Variants in GRB14 observed in about 807,000 individuals in gnomAD.
GRB14 encodes growth factor receptor-bound protein 14.
GRB14 carries 38 observed loss-of-function variants against 69.1 expected under a neutral mutation model. The ratio of observed to expected loss-of-function variants is 0.55; its 90% CI spans 0.42 to 0.72. The LOEUF is 0.72. GRB14 is among the 30% of genes least tolerant of loss of function. The pLI, the probability that GRB14 is intolerant of heterozygous loss-of-function variation, is 0.00. For synonymous variants in GRB14, 247 were observed against 241.3 expected (o/e 1.02, Z -0.22); for missense variants, 666 against 666.1 (o/e 1.00, Z 0.00).
intron 3 of GRB14, among the ~76,000 whole-genome samples, chr2:164,547,177 G>C (rs752092391): frequency 2.0e-5 from 3 of 152,096 alleles, no homozygotes; most frequent in Admixed American, 6.6e-5. Flanking sequence ...AAACAACAGC[G>C]AACAGGGAAC....
At chr2:164,615,301 T>C (rs1425738954) in intron 2 of GRB14, among the ~76,000 whole-genome samples, 1 of 152,188 alleles carries the variant, frequency 6.6e-6, no homozygotes, top group Admixed American at 6.5e-5. Context: ...ATTTGATAGA[T>C]TTCTCAGACC....
intron 2 of GRB14, among the ~76,000 whole-genome samples, chr2:164,574,401 C>T (rs1043724447): frequency 1.3e-5 from 2 of 151,882 alleles, no homozygotes; most frequent in South Asian, 2.1e-4. Context: ...ACTACCATGC[C>T]CAGCTAATTT....
intron 2 of GRB14, among the ~76,000 whole-genome samples, chr2:164,571,371 C>T (rs1418388955): frequency 6.6e-6 from 1 of 152,136 alleles, no homozygotes; most frequent in African/African-American, 2.4e-5. Context: ...CAGACACTAA[C>T]AAAACACTCC....
chr2:164,506,525 A>C (rs1687193988), intron 8 of GRB14, among the ~76,000 whole-genome samples: 1 of 152,230 alleles, frequency 6.6e-6, no homozygotes, highest in Non-Finnish European at 1.5e-5. Flanking sequence ...AAAATGGTTC[A>C]GCCACTGTGG....
intron 3 of GRB14, among the ~76,000 whole-genome samples, chr2:164,534,115 C>A (rs1381578731): frequency 1.3e-5 from 2 of 152,078 alleles, no homozygotes; most frequent in African/African-American, 2.4e-5. Context: ...ACTATTCTAT[C>A]AAAAATTCAG....
chr2:164,501,058 A>C (rs748926735), intron 9 of GRB14, among the ~76,000 whole-genome samples: 5 of 152,110 alleles, frequency 3.3e-5, no homozygotes, highest in Non-Finnish European at 5.9e-5. Context: ...ATTCATTATT[A>C]TTTTTATATA....
At chr2:164,578,841 A>G (rs1379585117) in intron 2 of GRB14, among the ~76,000 whole-genome samples, 1 of 152,222 alleles carries the variant, frequency 6.6e-6, no homozygotes, top group Admixed American at 6.5e-5. Flanking sequence ...TAAGGAGCAT[A>G]AATGATTAGA....
In GRB14 at chr2:164,578,610, T is replaced by C. The variant is rs571283186; in HGVS notation, c.325-30794A>G. ...AATCTCATCAGTGATACGAGAAACA[T>C]ACATTAACATAAGGCATCTTCATGA... On this transcript the variant is annotated intron_variant, in intron 2 of 13. Transcript: ENST00000263915. Among the ~76,000 whole-genome samples, 6 of 151,420 alleles carry C rather than the reference T, an allele frequency of 4.0e-5. No homozygotes were observed. The East Asian group carries it at 5.9e-4, about 15-fold the overall frequency.
chr2:164,505,647 G>T (rs1427802908), intron 8 of GRB14, among the ~76,000 whole-genome samples: 1 of 152,036 alleles, frequency 6.6e-6, no homozygotes, highest in Non-Finnish European at 1.5e-5. Flanking sequence ...TTATATTTAT[G>T]TGTGTATATA....
intron 2 of GRB14, among the ~76,000 whole-genome samples, chr2:164,605,167 A>G (rs1326056971): frequency 1.3e-5 from 2 of 152,172 alleles, no homozygotes; most frequent in Non-Finnish European, 2.9e-5. Context: ...AGCTGTTGCA[A>G]TAGCAGAGAA....
intron 2 of GRB14, among the ~76,000 whole-genome samples, chr2:164,550,943 C>T (rs910288343): frequency 3.3e-5 from 5 of 152,146 alleles, no homozygotes; most frequent in Non-Finnish European, 7.3e-5. Context: ...AGACTTGGTG[C>T]TCTGGTAGCT....
chr2:164,614,713 T>C (rs931055083), intron 2 of GRB14, among the ~76,000 whole-genome samples: 1 of 152,138 alleles, frequency 6.6e-6, no homozygotes, highest in Non-Finnish European at 1.5e-5. Flanking sequence ...AATATGTACA[T>C]GGGTTTCTCT....
At chr2:164,614,871 G>A (rs1043203436) in intron 2 of GRB14, among the ~76,000 whole-genome samples, 3 of 152,116 alleles carry the variant, frequency 2.0e-5, no homozygotes, top group African/African-American at 7.2e-5. Flanking sequence ...TGATATAAGA[G>A]GCCCTTTAAT....
rs749327773 is a variant in GRB14, at chr2:164,497,410, G to A, written c.1185C>T (p.Ala395=). ...KSRVIENPTE[A]LSVAVEEGLA... is the part of the protein sequence containing the mutation. The stretch of plus-strand genomic sequence containing the variant: ...GTCCTTCTTCAACCGCAACTGAAAG[G>A]GCTTCAGTGGGATTTTCTATAACTC... Residue 395 remains alanine (A), a synonymous_variant, in exon 10 of 14, where the codon GCC becomes GCT. Coordinates refer to ENST00000263915, the MANE Select transcript of GRB14 (RefSeq NM_004490.3). 5 of 1,613,376 alleles carry A rather than the reference G, an allele frequency of 3.1e-6. No homozygotes were observed. The highest frequency in any genetic ancestry group is 4.2e-6 in the Non-Finnish European group (5 of 1,179,578).
intron 2 of GRB14, among the ~76,000 whole-genome samples, chr2:164,575,328 T>C (rs1388582789): frequency 2.0e-5 from 3 of 152,236 alleles, no homozygotes; most frequent in African/African-American, 7.2e-5. Context: ...TACTAGAAGA[T>C]AAATTTTAGT....
rs145557408 is a variant in GRB14, at chr2:164,619,792, C to T, written c.219G>A (p.Pro73=). Residue 73 remains proline, a synonymous_variant, in exon 2 of 14, where the codon CCG becomes CCA. Coordinates refer to ENST00000263915, the MANE Select transcript of GRB14 (RefSeq NM_004490.3). Reference sequence around the variant, plus strand: ...AAGGGTTTGGAATAGATGGCATTTCCGGAACATCAAGATCTTTCTTTTTTC... The same window carrying T: ...AAGGGTTTGGAATAGATGGCATTTCTGGAACATCAAGATCTTTCTTTTTTC... The part of the protein sequence containing the change: ...DRRKKKDLDV[P]EMPSIPNPFP... 3.4e-5 allele frequency: 54 copies of T among 1,610,188 alleles called. No homozygotes were observed. The highest frequency in any genetic ancestry group is 6.7e-5 in the East Asian group (3 of 44,782).
intron 12 of GRB14, among the ~76,000 whole-genome samples, chr2:164,495,234 G>A (rs557844594): frequency 2.5e-4 from 38 of 150,364 alleles, no homozygotes; most frequent in African/African-American, 9.0e-4. Flanking sequence ...GAGCCACCAC[G>A]CCTGGCCTGA....
chr2:164,609,752 C>A (rs1690123434), intron 2 of GRB14, among the ~76,000 whole-genome samples: 1 of 152,214 alleles, frequency 6.6e-6, no homozygotes, highest in Non-Finnish European at 1.5e-5. Context: ...AAGAAGTTAT[C>A]CCTCAAGGGT....
intron 2 of GRB14, among the ~76,000 whole-genome samples, chr2:164,586,554 T>C (rs1392904542): frequency 1.3e-5 from 2 of 152,170 alleles, no homozygotes; most frequent in East Asian, 3.9e-4. Context: ...CCTTTCCATA[T>C]ATGCTTTGAC....
Sources: gnomAD v4.1 joint callset for allele counts (sites outside exome capture counted in the v4.1 genomes callset) on GRCh38, gnomAD v4.1.1 for gene constraint, MANE v1.5 for transcripts, NCBI Gene and HGNC (gene_info 2026-07-23, HGNC 2026-07-21) for gene names.